Variants in PLAT observed in about 807,000 individuals in gnomAD.
PLAT encodes tissue-type plasminogen activator.
Under a neutral mutation model 74.9 loss-of-function variants are expected in PLAT, and 48 were observed. The observed-to-expected ratio is 0.64, with a 90% CI of 0.51 to 0.82. The LOEUF is 0.82. Among genes scored for constraint, PLAT ranks in the 40% least tolerant of loss-of-function variants. The probability of loss-of-function intolerance (pLI) is 0.00; values close to 1 mark genes in which losing one functional copy is unlikely to be tolerated. For missense variants in PLAT, 673 were observed against 736.2 expected, an observed-to-expected ratio of 0.91 and a Z score of 0.99; for synonymous variants, 307 against 294.4, an observed-to-expected ratio of 1.04 and a Z score of -0.44.
chr8:42,200,215 G>A (rs747051126), intron 1 of PLAT, among the ~76,000 whole-genome samples: 18 of 152,074 alleles, frequency 1.2e-4, no homozygotes, highest in Non-Finnish European at 2.4e-4. Flanking sequence ...TTATTACCTC[G>A]TTTTTACAGA....
intron 6 of PLAT, chr8:42,186,578 G>T (rs1478278405): frequency 6.6e-6 from 1 of 152,090 alleles, no homozygotes; most frequent in Non-Finnish European, 1.5e-5. Flanking sequence ...ACAACCTTGG[G>T]CACATGTCCT....
At chr8:42,196,737 G>T (rs1234292856) in intron 1 of PLAT, among the ~76,000 whole-genome samples, 5 of 152,070 alleles carry the variant, frequency 3.3e-5, no homozygotes, top group Non-Finnish European at 7.4e-5. Context: ...TGGCGGAAGG[G>T]ATGGAAGAGG....
chr8:42,200,701 C>T (rs1361324640), intron 1 of PLAT, among the ~76,000 whole-genome samples: 1 of 141,538 alleles, frequency 7.1e-6, no homozygotes, highest in Non-Finnish European at 1.5e-5. Context: ...AAAGTATAAG[C>T]GTCGTGCTGT....
intron 13 of PLAT, among the ~76,000 whole-genome samples, chr8:42,177,909 G>T (rs766230114): frequency 6.6e-6 from 1 of 152,188 alleles, no homozygotes; most frequent in East Asian, 1.9e-4. Context: ...ACTTCTCTTT[G>T]TATCTCTTCT....
chr8:42,178,139 G>A (rs547121011), intron 13 of PLAT, among the ~76,000 whole-genome samples: 1 of 152,286 alleles, frequency 6.6e-6, no homozygotes, highest in South Asian at 2.1e-4. Flanking sequence ...AGGGCTGAAT[G>A]TGAGTTTTGA....
chr8:42,188,979 A>C lies in PLAT; in HGVS notation c.208T>G (p.Trp70Gly), dbSNP rs928742057. The C allele has an allele frequency of 1.2e-6, 2 of 1,613,984 alleles. No individual in the cohort carries two copies. Among genetic ancestry groups the C allele is most frequent in the African/African-American group, 2.7e-5 (2 of 74,920 alleles). Residue 70 changes from tryptophan (W) to glycine (G), a missense_variant, in exon 4 of 14, where the codon TGG (tryptophan) becomes GGG (glycine). By Grantham distance (184) the Trp-to-Gly change is radical. Transcript: ENST00000220809. The part of the protein sequence containing the change: ...VLRSNRVEYC[W>G]CNSGRAQCHS... ...CACTGTGCCCTGCCACTGTTGCACC[A>C]GCAATATTCCACCCGGTTGCTTCTG... is the stretch of plus-strand genomic sequence containing the variant.
chr8:42,205,406 A>G (rs984521339), intron 1 of PLAT, among the ~76,000 whole-genome samples: 8 of 152,190 alleles, frequency 5.3e-5, no homozygotes, highest in African/African-American at 1.9e-4. Context: ...AGGCGCCTGT[A>G]ATCCCAGTTA....
intron 6 of PLAT, chr8:42,187,058 T>A: frequency 9.9e-6 from 2 of 201,342 alleles, no homozygotes; most frequent in Non-Finnish European, 2.0e-5. Context: ...CTATCTACCA[T>A]CTATCATCTA....
intron 1 of PLAT, among the ~76,000 whole-genome samples, chr8:42,193,434 A>G (rs1805763627): frequency 6.6e-6 from 1 of 152,188 alleles, no homozygotes; most frequent in Admixed American, 6.5e-5. Context: ...TGTTCAGTGC[A>G]CAGTTCAGTG....
Position 42,188,644 on chromosome 8 carries a change from G to GTTT in PLAT, c.253+287_253+289dup, listed in dbSNP as rs1465181326. Among the ~76,000 whole-genome samples the GTTT allele has an allele frequency of 3.3e-5, 5 of 152,084 alleles. No individual in the cohort carries two copies. In the East Asian group the frequency reaches 9.6e-4, roughly 29 times the overall value. ...GTTTTTGTTTGTGTTGTTTTGTTTT[G>GTTT]TTTTAGAGGTGAGGGCTTGCCCTGT... On this transcript the variant is annotated intron_variant, in intron 4 of 13. Coordinates refer to ENST00000220809, the MANE Select transcript of PLAT (RefSeq NM_000930.5).
chr8:42,205,067 A>G (rs1218603878), intron 1 of PLAT, among the ~76,000 whole-genome samples: 1 of 152,200 alleles, frequency 6.6e-6, no homozygotes, highest in Non-Finnish European at 1.5e-5. Context: ...ACCCACAAGG[A>G]AACTCCTTGT....
At position 42,175,683 on chromosome 8, in the gene PLAT, G is replaced by T. The variant is rs1804941424; in HGVS notation, c.*310C>A. The stretch of plus-strand genomic sequence containing the variant: ...GCTGCTCACGGTGACAGGTCAGGAG[G>T]TTGGGCTTTAGCTGAAAACAGGGTG... On this transcript the variant is annotated 3_prime_UTR_variant, in exon 14 of 14. Transcript: ENST00000220809. The T allele has an allele frequency of 3.4e-6, 1 of 292,384 alleles. No homozygotes were observed. The highest frequency in any genetic ancestry group is 6.5e-6 in the Non-Finnish European group (1 of 154,690). The allele number at this position is 292,384 out of a possible 1,614,324, so 18.1% of individuals were successfully genotyped here. A position where few individuals can be genotyped will look rare whatever the true frequency, so the allele number is the denominator to read the frequency against.
rs1564126460 is a variant in PLAT at position 42,180,254 on chromosome 8, C to T, written c.1210G>A (p.Asp404Asn). ...VHKEFDDDTYDNDIALLQLKS... is the reference protein window; with the variant it reads ...VHKEFDDDTYNNDIALLQLKS... Reference sequence around the variant, plus strand: ...GACGAGCTCTTACCAATGTCATTGTCGTAAGTGTCATCATCGAATTCCTTA... The same window carrying T: ...GACGAGCTCTTACCAATGTCATTGTTGTAAGTGTCATCATCGAATTCCTTA... The change falls in exon 11 of 14, where the codon GAC (aspartate) becomes AAC (asparagine). Residue 404 changes from aspartate to asparagine, a missense_variant. By Grantham distance (23) the Asp-to-Asn change is conservative. Coordinates refer to ENST00000220809, the MANE Select transcript of PLAT (RefSeq NM_000930.5). 3.1e-6 allele frequency: 5 copies of T among 1,614,160 alleles called. No individual in the cohort carries two copies. The highest frequency in any genetic ancestry group is 4.2e-6 in the Non-Finnish European group (5 of 1,180,006).
At chr8:42,180,746 G>C in intron 9 of PLAT, 61 bp from the exon 10 acceptor site, 1 of 1,260,592 alleles carries the variant, frequency 7.9e-7, no homozygotes, top group Admixed American at 2.4e-5. Context: ...TGTGTAGGTA[G>C]AGTGAGGAGG....
chr8:42,176,060 T>G lies in PLAT; in HGVS notation c.1622A>C (p.Asp541Ala). The change falls in exon 14 of 14, where the codon GAT becomes GCT. Residue 541 changes from aspartate (D) to alanine (A), a missense_variant. Transcript: ENST00000220809. ...ISWGLGCGQK[D>A]VPGVYTKVTN... ...AACCTTGGTGTACACACCCGGGACA[T>G]CCTTCTGTCCACAGCCCAGGCCCCA... 4 of 1,614,062 alleles carry G rather than the reference T, an allele frequency of 2.5e-6. No individual in the cohort carries two copies. Among genetic ancestry groups the G allele is most frequent in the Non-Finnish European group, 3.4e-6 (4 of 1,179,924 alleles).
At position 42,188,959 on chromosome 8, in the gene PLAT, T is replaced by A; in HGVS notation, c.228A>T (p.Ala76=). The A allele has an allele frequency of 6.2e-7, 1 of 1,613,846 alleles. No individual in the cohort carries two copies. The highest frequency in any genetic ancestry group is 8.5e-7 in the Non-Finnish European group (1 of 1,179,786). The part of the protein sequence containing the change: ...VEYCWCNSGR[A]QCHSVPVKSC... ...TTTTGACAGGCACTGAGTGGCACTGTGCCCTGCCACTGTTGCACCAGCAAT... is the reference window on the plus strand; with the variant it reads ...TTTTGACAGGCACTGAGTGGCACTGAGCCCTGCCACTGTTGCACCAGCAAT... The change falls in exon 4 of 14, where the codon GCA becomes GCT. Residue 76 remains alanine (A), a synonymous_variant. Transcript: ENST00000220809.
chr8:42,194,050 C>CTTTTTTTTTTT lies in PLAT; in HGVS notation c.-26-850_-26-840dup, dbSNP rs59850705. 3.2e-3 allele frequency among the ~76,000 whole-genome samples: 271 copies of CTTTTTTTTTTT among 84,916 alleles called. 18 individuals are homozygous for CTTTTTTTTTTT. Among genetic ancestry groups the CTTTTTTTTTTT allele is most frequent in the East Asian group, 3.4e-3 (9 of 2,628 alleles). The allele number at this position is 84,916 out of a possible 152,430, so 55.7% of individuals were successfully genotyped here. On this transcript the variant is annotated intron_variant, in intron 1 of 13. Transcript: ENST00000220809. ...CTTTTTCCTTTCTTCTTTCTTCTTT[C>CTTTTTTTTTTT]TTTTTTTTTTTTTTTTTTTTGAGAC...
intron 6 of PLAT, 24 bp from the exon 7 acceptor site, chr8:42,185,196 G>T (rs1419898095): frequency 5.9e-6 from 9 of 1,519,826 alleles, no homozygotes; most frequent in African/African-American, 1.4e-5. Flanking sequence ...CAAGGGAAGG[G>T]CCAGGGTAGG....
Position 42,175,440 on chromosome 8 carries a change from T to C in PLAT, c.*553A>G, listed in dbSNP as rs537864903. 6.5e-6 allele frequency: 1 copy of C among 153,450 alleles called. No individual in the cohort carries two copies. Among genetic ancestry groups the C allele is most frequent in the African/African-American group, 2.4e-5 (1 of 41,584 alleles). 9.5% of individuals were successfully genotyped at this position (153,450 alleles called of 1,614,324 possible). A position where few individuals can be genotyped will look rare whatever the true frequency, so the allele number is the denominator to read the frequency against. On this transcript the variant is annotated 3_prime_UTR_variant, in exon 14 of 14. Transcript: ENST00000220809. ...CACTGTACACAAAAGGAATACCTTC[T>C]GAGAGCCAGGGAGTGGGGAAAGGGG... is the stretch of plus-strand genomic sequence containing the variant.
Sources: allele counts gnomAD v4.1 joint callset (sites outside exome capture counted in the v4.1 genomes callset), GRCh38; gene constraint gnomAD v4.1.1; transcripts MANE v1.5; gene names NCBI Gene and HGNC (gene_info 2026-07-23, HGNC 2026-07-21).